Variants in HNF1B observed in about 807,000 individuals in gnomAD.
HNF1B encodes HNF1 homeobox B.
HNF1B carries 8 observed loss-of-function variants against 61.7 expected under a neutral mutation model. The ratio of observed to expected loss-of-function variants is 0.13; its 90% CI spans 0.08 to 0.23. The LOEUF is 0.23. Ranked by LOEUF, HNF1B falls within the 10% of genes least tolerant of loss-of-function variation. The pLI is 1.00. For synonymous variants in HNF1B, 314 were observed against 287.7 expected (o/e 1.09, Z -0.93); for missense variants, 562 against 714.5 (o/e 0.79, Z 2.43).
In HNF1B at chr17:37,744,683, C is replaced by G. The variant is rs767576616; in HGVS notation, c.202G>C (p.Gly68Arg). ...CCGGACAAGCGGCCCTTGGCGTGGC[C>G]GTTGGTGAGAGTATGGAAGACCGGC... ...TKPVFHTLTN[G>R]HAKGRLSGDE... The change falls in exon 1 of 9, where the codon GGC becomes CGC. Residue 68 changes from glycine (G) to arginine (R), a missense_variant. Coordinates refer to ENST00000617811, the MANE Select transcript of HNF1B (RefSeq NM_000458.4). 42 of 1,613,392 alleles carry G rather than the reference C, an allele frequency of 2.6e-5. 1 individual carries two copies. In the South Asian group the frequency reaches 4.3e-4, roughly 16 times the overall value.
intron 2 of HNF1B, 44 bp downstream of exon 2, chr17:37,739,396 A>G: frequency 6.3e-7 from 1 of 1,584,498 alleles, no homozygotes; most frequent in Non-Finnish European, 8.7e-7. Flanking sequence ...TGAGAGGGCA[A>G]AGGTCACTTC....
chr17:37,743,189 T>C (rs1046223476), intron 1 of HNF1B, among the ~76,000 whole-genome samples: 1 of 152,034 alleles, frequency 6.6e-6, no homozygotes, highest in African/African-American at 2.4e-5. Flanking sequence ...TGGCCCCCGG[T>C]GGCCGGCGGT....
At chr17:37,691,954 C>T (rs775175594) in intron 8 of HNF1B, among the ~76,000 whole-genome samples, 2 of 152,138 alleles carry the variant, frequency 1.3e-5, no homozygotes, top group African/African-American at 2.4e-5. Flanking sequence ...AGTCAAGCAG[C>T]GGGGAGAGAA....
chr17:37,704,238 C>CTGT (rs1278694829), intron 6 of HNF1B, among the ~76,000 whole-genome samples: 1 of 152,218 alleles, frequency 6.6e-6, no homozygotes, highest in African/African-American at 2.4e-5. Flanking sequence ...CACAGGCTTG[C>CTGT]TGTTGAATAT....
In HNF1B at chr17:37,700,864, T is replaced by C. The variant is rs2032542540; in HGVS notation, c.1534+119A>G. The C allele has an allele frequency of 1.0e-5, 9 of 888,798 alleles. No individual in the cohort carries two copies. The East Asian group carries it at 1.6e-4, about 16-fold the overall frequency. 55.1% of individuals were successfully genotyped at this position (888,798 alleles called of 1,614,324 possible). On this transcript the variant is annotated intron_variant, in intron 7 of 8. Transcript: ENST00000617811. The stretch of plus-strand genomic sequence containing the variant: ...AGAAATTGTCTTAGTCGGTTGATCA[T>C]AGGCAGGGAAAAGTGACCAAGCCAA...
chr17:37,711,302 T>C (rs1475135206), intron 4 of HNF1B, among the ~76,000 whole-genome samples: 4 of 152,208 alleles, frequency 2.6e-5, no homozygotes, highest in African/African-American at 7.2e-5. Context: ...AGAACTCACA[T>C]TCCTTTGCTG....
intron 4 of HNF1B, among the ~76,000 whole-genome samples, chr17:37,726,197 A>C (rs889656920): frequency 1.3e-5 from 2 of 152,008 alleles, no homozygotes; most frequent in African/African-American, 4.8e-5. Flanking sequence ...TTAGTGCCTG[A>C]AAAGTTCTTA....
At chr17:37,693,156 C>A (rs892514271) in intron 8 of HNF1B, among the ~76,000 whole-genome samples, 1 of 141,510 alleles carries the variant, frequency 7.1e-6, no homozygotes, top group African/African-American at 2.7e-5. Flanking sequence ...CACCATTGCA[C>A]TCCAGCCTGG....
intron 4 of HNF1B, among the ~76,000 whole-genome samples, chr17:37,713,429 CAA>C (rs565525375): frequency 2.9e-4 from 44 of 152,340 alleles, no homozygotes; most frequent in African/African-American, 9.9e-4. Flanking sequence ...AGGAGAGACT[CAA>C]GAGCCATTTG....
chr17:37,718,033 C>T (rs1290061675), intron 4 of HNF1B, among the ~76,000 whole-genome samples: 1 of 152,120 alleles, frequency 6.6e-6, no homozygotes, highest in East Asian at 1.9e-4. Context: ...GAAATACAGA[C>T]AGGCCTGCAG....
chr17:37,744,433 CTGG>C, intron 1 of HNF1B, 105 bp downstream of exon 1: 6 of 1,175,520 alleles, frequency 5.1e-6, no homozygotes, highest in Non-Finnish European at 7.4e-6. Flanking sequence ...GGGGACTTCT[CTGG>C]TGGGAAACGG....
At chr17:37,701,996 G>A (rs914776289) in intron 6 of HNF1B, among the ~76,000 whole-genome samples, 1 of 152,150 alleles carries the variant, frequency 6.6e-6, no homozygotes, top group African/African-American at 2.4e-5. Flanking sequence ...CTGAGGATTG[G>A]ATCCCCTGGT....
chr17:37,744,897 GA>G lies in HNF1B; in HGVS notation c.-14del. ...GCTTGGACACCATTTTCCAAGGACG[GA>G]AAAAGAAGGGGGTGAGGGGGTGGGT... On this transcript the variant is annotated 5_prime_UTR_variant, in exon 1 of 9. Coordinates refer to ENST00000617811, the MANE Select transcript of HNF1B (RefSeq NM_000458.4). 4 of 459,572 alleles carry G rather than the reference GA, an allele frequency of 8.7e-6. No individual in the cohort carries two copies. The highest frequency in any genetic ancestry group is 6.4e-5 in the East Asian group (1 of 15,734). 28.5% of individuals were successfully genotyped at this position (459,572 alleles called of 1,614,324 possible).
intron 5 of HNF1B, among the ~76,000 whole-genome samples, 195 bp from the exon 6 acceptor site, chr17:37,705,244 A>G (rs1165342814): frequency 6.6e-6 from 1 of 152,190 alleles, no homozygotes; most frequent in Admixed American, 6.5e-5. Flanking sequence ...CCAAGACAGG[A>G]GGACTGCCTG....
intron 6 of HNF1B, 87 bp downstream of exon 6, chr17:37,704,830 G>T: frequency 6.9e-7 from 1 of 1,450,032 alleles, no homozygotes; most frequent in South Asian, 1.1e-5. Flanking sequence ...GTTTGAAGGA[G>T]ACCTACAGTT....
intron 5 of HNF1B, among the ~76,000 whole-genome samples, chr17:37,707,769 CT>C (rs370273372): frequency 0.15 from 21,742 of 144,138 alleles, 1,982 homozygotes; most frequent in Middle Eastern, 0.23. Flanking sequence ...TGTTCTCTCT[CT>C]TTTTTTTTTT....
chr17:37,743,790 G>A (rs2034075742), intron 1 of HNF1B, among the ~76,000 whole-genome samples: 2 of 152,208 alleles, frequency 1.3e-5, no homozygotes, highest in Non-Finnish European at 2.9e-5. Flanking sequence ...GGTGGGCAGC[G>A]AGGTCTGGAA....
intron 1 of HNF1B, 136 bp downstream of exon 1, chr17:37,744,405 G>A: frequency 1.2e-6 from 1 of 849,228 alleles, no homozygotes. Flanking sequence ...TGTTGGGAGA[G>A]AAGCAGAGCG....
At chr17:37,699,029 TCACACCCTGCC>T in intron 8 of HNF1B, 36 bp downstream of exon 8, 1 of 1,326,804 alleles carries the variant, frequency 7.5e-7, no homozygotes, top group Non-Finnish European at 1.1e-6. Context: ...CATGGCCTTA[TCACACCCTGCC>T]CACACCCCAA....
Sources: allele counts gnomAD v4.1 joint callset (sites outside exome capture counted in the v4.1 genomes callset), GRCh38; gene constraint gnomAD v4.1.1; transcripts MANE v1.5; gene names NCBI Gene and HGNC (gene_info 2026-07-23, HGNC 2026-07-21).